ZCWPW2: variants seen among roughly 807,000 people sequenced by gnomAD.
The protein encoded by ZCWPW2 is zinc finger CW-type PWWP domain protein 2.
A neutral mutation model predicts 46.6 loss-of-function variants in ZCWPW2; 45 were observed. That is an observed-to-expected ratio of 0.96 (90% CI 0.76 to 1.24). The LOEUF is 1.24. ZCWPW2 is among the 50% of genes most tolerant of loss of function. The pLI, the probability that ZCWPW2 is intolerant of heterozygous loss-of-function variation, is 0.00. For missense variants in ZCWPW2, 429 were observed against 403.9 expected (o/e 1.06, Z -0.53); for synonymous variants, 152 against 137.1 (o/e 1.11, Z -0.76).
chr3:28,438,547 C>A (rs1032379493), intron 4 of ZCWPW2, among the ~76,000 whole-genome samples: 4 of 152,074 alleles, frequency 2.6e-5, no homozygotes, highest in African/African-American at 9.7e-5. Flanking sequence ...ACAAAAACAG[C>A]AAATTGTGGG....
Position 28,381,050 on chromosome 3 carries a change from G to A in ZCWPW2, c.-133-9448G>A, listed in dbSNP as rs1264719310. 7.1e-3 allele frequency among the ~76,000 whole-genome samples: 86 copies of A among 12,060 alleles called. 13 individuals carry two copies. The highest frequency in any genetic ancestry group is 0.016 in the African/African-American group (57 of 3,608). 7.9% of individuals were successfully genotyped at this position (12,060 alleles called of 152,430 possible). ...GTATATATATATATATATATTTGGT[G>A]TATATATATATATATATATATATAT... On this transcript the variant is annotated intron_variant, in intron 1 of 9. Transcript: ENST00000383768.
Position 28,525,646 on chromosome 3 carries a change from G to A in ZCWPW2, c.*958G>A, listed in dbSNP as rs930823311. The stretch of plus-strand genomic sequence containing the variant: ...TGCCTCATATTGCTTTAACAAGGAG[G>A]CAGCACATGTCTAGATATTAAAAAC... On this transcript the variant is annotated 3_prime_UTR_variant, in exon 10 of 10. Coordinates refer to ENST00000383768, the MANE Select transcript of ZCWPW2 (RefSeq NM_001040432.4). Among the ~76,000 whole-genome samples, 1 of 152,118 alleles carries A rather than the reference G, an allele frequency of 6.6e-6. No homozygotes were observed. Among genetic ancestry groups the A allele is most frequent in the African/African-American group, 2.4e-5 (1 of 41,430 alleles).
intron 4 of ZCWPW2, among the ~76,000 whole-genome samples, chr3:28,441,010 A>C (rs1438261892): frequency 6.6e-6 from 1 of 152,116 alleles, no homozygotes; most frequent in Non-Finnish European, 1.5e-5. Flanking sequence ...TAGCCAGGTC[A>C]CCCTTGGTGA....
At chr3:28,420,778 A>G (rs1307197294) in intron 3 of ZCWPW2, among the ~76,000 whole-genome samples, 1 of 152,146 alleles carries the variant, frequency 6.6e-6, no homozygotes, top group East Asian at 1.9e-4. Context: ...GTACTTTTAT[A>G]TGAAATGAGT....
At chr3:28,430,276 A>C (rs1697201647) in intron 3 of ZCWPW2, among the ~76,000 whole-genome samples, 2 of 152,226 alleles carry the variant, frequency 1.3e-5, no homozygotes, top group Admixed American at 1.3e-4. Flanking sequence ...CATGGAGTCA[A>C]AGGAGATAAT....
chr3:28,449,820 C>T (rs960718783), intron 4 of ZCWPW2, among the ~76,000 whole-genome samples: 3 of 152,064 alleles, frequency 2.0e-5, no homozygotes, highest in Non-Finnish European at 4.4e-5. Flanking sequence ...AATTCTTCCC[C>T]ATTAGTACAA....
chr3:28,372,569 T>A (rs558436345), intron 1 of ZCWPW2, among the ~76,000 whole-genome samples: 1 of 152,392 alleles, frequency 6.6e-6, no homozygotes, highest in Admixed American at 6.5e-5. Flanking sequence ...AAGTACATTC[T>A]GCTAGTATTT....
chr3:28,402,307 CAT>C (rs1394401888), intron 2 of ZCWPW2, among the ~76,000 whole-genome samples: 9 of 152,036 alleles, frequency 5.9e-5, no homozygotes, highest in Non-Finnish European at 1.0e-4. Context: ...CCTTTACACA[CAT>C]AAACTAGAAA....
chr3:28,513,373 A>G (rs1458883983), intron 6 of ZCWPW2, among the ~76,000 whole-genome samples: 1 of 152,140 alleles, frequency 6.6e-6, no homozygotes, highest in Non-Finnish European at 1.5e-5. Context: ...TCTCACTTTA[A>G]TGGTGTAGAC....
At chr3:28,458,891 TA>T (rs1698522835) in intron 4 of ZCWPW2, among the ~76,000 whole-genome samples, 1 of 152,224 alleles carries the variant, frequency 6.6e-6, no homozygotes. Flanking sequence ...ATGTTGTCAT[TA>T]AAACCTAGGA....
At chr3:28,390,956 C>A (rs1695462903) in intron 2 of ZCWPW2, among the ~76,000 whole-genome samples, 1 of 152,082 alleles carries the variant, frequency 6.6e-6, no homozygotes, top group Non-Finnish European at 1.5e-5. Flanking sequence ...GTTTTAAAGA[C>A]AGTGATAAAG....
At chr3:28,405,884 G>A (rs189302617) in intron 2 of ZCWPW2, among the ~76,000 whole-genome samples, 12 of 152,176 alleles carry the variant, frequency 7.9e-5, no homozygotes, top group Admixed American at 7.9e-4. Flanking sequence ...GGAGAATGTT[G>A]GTAGAAATAT....
intron 6 of ZCWPW2, among the ~76,000 whole-genome samples, chr3:28,508,014 G>A (rs1700324853): frequency 6.6e-6 from 1 of 152,028 alleles, no homozygotes; most frequent in Non-Finnish European, 1.5e-5. Context: ...TTTGGCTCAG[G>A]GTTCTACAGG....
intron 3 of ZCWPW2, among the ~76,000 whole-genome samples, chr3:28,424,625 C>T (rs916436148): frequency 1.1e-4 from 17 of 152,182 alleles, no homozygotes; most frequent in African/African-American, 4.1e-4. Context: ...TGTTAATCCC[C>T]CACAACTATG....
intron 3 of ZCWPW2, among the ~76,000 whole-genome samples, chr3:28,423,877 A>T (rs73825156): frequency 0.02 from 3,111 of 152,124 alleles, 106 homozygotes; most frequent in African/African-American, 0.062. Flanking sequence ...AGATGCTAAT[A>T]TTATATGGAT....
intron 7 of ZCWPW2, 123 bp from the exon 8 acceptor site, chr3:28,515,431 G>C (rs1324785602): frequency 3.7e-5 from 28 of 747,920 alleles, no homozygotes; most frequent in Non-Finnish European, 5.8e-5. Flanking sequence ...AAACAACCAA[G>C]AGAATTACCT....
At chr3:28,516,201 C>T (rs1161112440) in intron 8 of ZCWPW2, among the ~76,000 whole-genome samples, 1 of 151,890 alleles carries the variant, frequency 6.6e-6, no homozygotes, top group Non-Finnish European at 1.5e-5. Context: ...GATCACACCA[C>T]TGCATTCCAG....
At chr3:28,409,182 C>T (rs948658769) in intron 2 of ZCWPW2, among the ~76,000 whole-genome samples, 4 of 132,044 alleles carry the variant, frequency 3.0e-5, no homozygotes, top group Non-Finnish European at 4.6e-5. Flanking sequence ...ATGCATGGTG[C>T]GATCTTGGCT....
chr3:28,357,128 T>C (rs2125689846), intron 1 of ZCWPW2, among the ~76,000 whole-genome samples: 1 of 152,300 alleles, frequency 6.6e-6, no homozygotes. Flanking sequence ...ATAATTCTGT[T>C]TTGAGGCTTT....
Sources: allele counts gnomAD v4.1 joint callset (sites outside exome capture counted in the v4.1 genomes callset), GRCh38; gene constraint gnomAD v4.1.1; transcripts MANE v1.5; gene names NCBI Gene and HGNC (gene_info 2026-07-23, HGNC 2026-07-21).